PDIA6: variants seen among roughly 807,000 people sequenced by gnomAD.
PDIA6 encodes protein disulfide isomerase family A member 6.
In PDIA6, 29 loss-of-function variants were observed where a neutral mutation model predicts 58.4. The ratio of observed to expected loss-of-function variants is 0.50; its 90% CI spans 0.37 to 0.68. PDIA6 has a LOEUF of 0.68. PDIA6 is among the 30% of genes least tolerant of loss of function. PDIA6 has a pLI of 0.00. For missense variants in PDIA6, 480 were observed against 551.0 expected (o/e 0.87, Z 1.29); for synonymous variants, 192 against 202.6 (o/e 0.95, Z 0.44).
intron 10 of PDIA6, among the ~76,000 whole-genome samples, chr2:10,788,212 G>A (rs1025378792): frequency 6.6e-6 from 1 of 152,108 alleles, no homozygotes; most frequent in Non-Finnish European, 1.5e-5. Context: ...GAATTCAGGT[G>A]CACTACTCCT....
intron 1 of PDIA6, among the ~76,000 whole-genome samples, chr2:10,822,326 G>T (rs1195570596): frequency 1.3e-5 from 2 of 151,838 alleles, no homozygotes; most frequent in Admixed American, 6.6e-5. Flanking sequence ...GCAGTGGCGC[G>T]ATCTAGGCTC....
chr2:10,796,984 G>C, intron 4 of PDIA6, 97 bp downstream of exon 4: 1 of 992,570 alleles, frequency 1.0e-6, no homozygotes, highest in South Asian at 1.3e-5. Context: ...GTACAATGAG[G>C]TTGAGAACCT....
chr2:10,785,050 AACAC>A lies in PDIA6; in HGVS notation c.1158-24_1158-21del. 2.1e-6 allele frequency: 3 copies of A among 1,460,976 alleles called. No homozygotes were observed. Among genetic ancestry groups the A allele is most frequent in the Non-Finnish European group, 2.8e-6 (3 of 1,061,114 alleles). 90.5% of individuals were successfully genotyped at this position (1,460,976 alleles called of 1,614,324 possible). Reference sequence around the variant, plus strand: ...AGCTCCCTTAGGGAAAAATGACCAAAACACACACACACATTTACAATGGACTGCT... The same window carrying A: ...AGCTCCCTTAGGGAAAAATGACCAAAACACACACATTTACAATGGACTGCT... On this transcript the variant is annotated intron_variant, in intron 11 of 12. Coordinates refer to ENST00000272227, the MANE Select transcript of PDIA6 (RefSeq NM_005742.4).
At chr2:10,798,116 G>A (rs1238950156) in intron 2 of PDIA6, among the ~76,000 whole-genome samples, 1 of 151,980 alleles carries the variant, frequency 6.6e-6, no homozygotes, top group Non-Finnish European at 1.5e-5. Flanking sequence ...AACCCAGGAG[G>A]CAGAGGTTGC....
chr2:10,834,522 G>A (rs1047912276), upstream of PDIA6, among the ~76,000 whole-genome samples: 8 of 152,080 alleles, frequency 5.3e-5, no homozygotes, highest in African/African-American at 1.9e-4. Context: ...CTGAGCGCCT[G>A]GCAGGACTGA....
At chr2:10,818,964 A>C (rs1194841788) in intron 2 of PDIA6, among the ~76,000 whole-genome samples, 1 of 151,982 alleles carries the variant, frequency 6.6e-6, no homozygotes, top group African/African-American at 2.4e-5. Flanking sequence ...CCTCCCCCTG[A>C]CCCCTGGCAA....
chr2:10,811,426 G>A (rs559784724), intron 1 of PDIA6, among the ~76,000 whole-genome samples: 1 of 152,156 alleles, frequency 6.6e-6, no homozygotes, highest in Non-Finnish European at 1.5e-5. Flanking sequence ...GAGACCAGGA[G>A]TTCCAGGCTG....
intron 1 of PDIA6, among the ~76,000 whole-genome samples, chr2:10,825,681 T>C (rs2148579912): frequency 6.6e-6 from 1 of 152,302 alleles, no homozygotes; most frequent in Non-Finnish European, 1.5e-5. Context: ...GAGTAGACAT[T>C]TCTCCAAGGA....
chr2:10,784,501 C>T lies in PDIA6; in HGVS notation c.1255-175G>A. 5.4e-6 allele frequency: 3 copies of T among 557,390 alleles called. No homozygotes were observed. The East Asian group carries it at 8.8e-5, about 16-fold the overall frequency. The allele number at this position is 557,390 out of a possible 1,614,324, so 34.5% of individuals were successfully genotyped here. On this transcript the variant is annotated intron_variant, in intron 12 of 12. Transcript: ENST00000272227. The stretch of plus-strand genomic sequence containing the variant: ...CTATGATTATACGGATGGAAAAGCT[C>T]AGAACTCAGGTGAAACATTTCAACA...
At chr2:10,823,465 C>G (rs571194414) in intron 1 of PDIA6, 1 of 152,200 alleles carries the variant, frequency 6.6e-6, no homozygotes, top group Non-Finnish European at 1.5e-5. Context: ...AGGTGCTCAG[C>G]GAACACTTTG....
chr2:10,833,344 T>C (rs1667755171), upstream of PDIA6, among the ~76,000 whole-genome samples: 1 of 152,162 alleles, frequency 6.6e-6, no homozygotes, highest in South Asian at 2.1e-4. Flanking sequence ...CCTTTCCCGT[T>C]TGGAATTTCC....
intron 8 of PDIA6, 78 bp downstream of exon 8, chr2:10,789,671 A>G: frequency 7.8e-7 from 1 of 1,283,012 alleles, no homozygotes; most frequent in Admixed American, 2.1e-5. Flanking sequence ...TAAAATGAAC[A>G]GTGTGTCACA....
intron 1 of PDIA6, chr2:10,810,262 T>C (rs754627340): frequency 3.3e-6 from 5 of 1,520,796 alleles, no homozygotes; most frequent in Non-Finnish European, 3.5e-6. Flanking sequence ...TATAATTAGA[T>C]AGACCCAAAT....
At position 10,787,349 on chromosome 2, in the gene PDIA6, A is replaced by G. The variant is rs771527973; in HGVS notation, c.1089T>C (p.Asn363=). The G allele has an allele frequency of 6.2e-7, 1 of 1,614,202 alleles. No individual in the cohort carries two copies. Among genetic ancestry groups the G allele is most frequent in the South Asian group, 1.1e-5 (1 of 91,080 alleles). The stretch of plus-strand genomic sequence containing the variant: ...GCAGAGCAAATTTCATCTTGCGTGC[A>G]TTGATGGCGGCCATGGCGGGGTACC... ...GFGYPAMAAI[N]ARKMKFALLK... is the part of the protein sequence containing the mutation. Residue 363 remains asparagine (N), a synonymous_variant, in exon 11 of 13, where the codon AAT becomes AAC. Coordinates refer to ENST00000272227, the MANE Select transcript of PDIA6 (RefSeq NM_005742.4).
At chr2:10,803,448 C>T (rs775969380) in intron 1 of PDIA6, among the ~76,000 whole-genome samples, 4 of 152,210 alleles carry the variant, frequency 2.6e-5, no homozygotes, top group Admixed American at 2.6e-4. Flanking sequence ...TGAGCCATGG[C>T]GCCCAGCCAA....
chr2:10,810,614 C>CAATGAAAATGCTGTGT (rs1166580469), intron 1 of PDIA6, among the ~76,000 whole-genome samples: 1 of 151,982 alleles, frequency 6.6e-6, no homozygotes, highest in Non-Finnish European at 1.5e-5. Flanking sequence ...CACGGCTACC[C>CAATGAAAATGCTGTGT]AATGAAAATG....
chr2:10,814,748 C>T (rs114942331), upstream of PDIA6, among the ~76,000 whole-genome samples: 426 of 152,262 alleles, frequency 2.8e-3, 4 homozygotes, highest in African/African-American at 9.2e-3. Flanking sequence ...CCCCATGGGC[C>T]ACAGACATCA....
chr2:10,808,526 T>C (rs1395796888), intron 1 of PDIA6, among the ~76,000 whole-genome samples: 11 of 152,110 alleles, frequency 7.2e-5, no homozygotes, highest in African/African-American at 2.4e-4. Context: ...ACATATGCAG[T>C]GGGAGAGGCC....
chr2:10,800,830 C>G (rs191250254), intron 2 of PDIA6, among the ~76,000 whole-genome samples: 1 of 152,028 alleles, frequency 6.6e-6, no homozygotes, highest in East Asian at 1.9e-4. Context: ...AAGCTGGCCT[C>G]GAACTCTGGT....
Sources: allele counts gnomAD v4.1 joint callset (sites outside exome capture counted in the v4.1 genomes callset), GRCh38; gene constraint gnomAD v4.1.1; transcripts MANE v1.5; gene names NCBI Gene and HGNC (gene_info 2026-07-23, HGNC 2026-07-21).